The following CCDC57 variants were observed in gnomAD, a reference collection of about 807,000 sequenced individuals.
CCDC57 encodes coiled-coil domain-containing protein 57.
Under a neutral mutation model 118.9 loss-of-function variants are expected in CCDC57, and 118 were observed. The observed-to-expected ratio is 0.99, with a 90% confidence interval of 0.86 to 1.16. CCDC57 has a LOEUF of 1.16. Among genes scored for constraint, CCDC57 ranks in the 50% most tolerant of loss-of-function variants. CCDC57 has a pLI of 0.00. For missense variants in CCDC57, 1,300 were observed against 1,320.7 expected, an observed-to-expected ratio of 0.98 and a Z score of 0.24; for synonymous variants, 527 against 532.9, an observed-to-expected ratio of 0.99 and a Z score of 0.15.
chr17:82,128,141 C>T (rs1018902039), intron 18 of CCDC57, among the ~76,000 whole-genome samples: 7 of 152,118 alleles, frequency 4.6e-5, no homozygotes, highest in African/African-American at 9.7e-5. Context: ...TCTCAGTGCT[C>T]GTCTCAACAC....
chr17:82,198,137 C>T (rs915543683), intron 4 of CCDC57, among the ~76,000 whole-genome samples, 177 bp downstream of exon 3: 3 of 152,222 alleles, frequency 2.0e-5, no homozygotes, highest in Admixed American at 6.5e-5. Context: ...GACATCCCAT[C>T]CTGTTTCCCT....
At chr17:82,164,226 C>T (rs1337224670) in intron 13 of CCDC57, among the ~76,000 whole-genome samples, 2 of 151,508 alleles carry the variant, frequency 1.3e-5, no homozygotes, top group Non-Finnish European at 2.9e-5. Context: ...AAAAAAAATA[C>T]AAAAATTAGC....
exon 6 of CCDC57, chr17:82,194,018 C>T (rs896736467): frequency 1.2e-6 from 2 of 1,612,694 alleles, no homozygotes; most frequent in African/African-American, 2.7e-5. Flanking sequence ...CTGGAGCTCC[C>T]CGGCTCGGCT....
At chr17:82,112,574 G>A (rs1454017719) in intron 19 of CCDC57, 2 of 152,354 alleles carry the variant, frequency 1.3e-5, no homozygotes, top group South Asian at 2.1e-4. Context: ...GATTTCTGGA[G>A]CTCTTTTCTG....
chr17:82,210,277 A>G (rs2050075290), intron 1 of CCDC57, among the ~76,000 whole-genome samples: 1 of 152,084 alleles, frequency 6.6e-6, no homozygotes, highest in Non-Finnish European at 1.5e-5. Flanking sequence ...TAATAAATGT[A>G]GGAGTAATGG....
chr17:82,184,031 GCA>G (rs71166198), intron 8 of CCDC57, 99 bp from the exon 8 acceptor site: 5,623 of 131,190 alleles, frequency 0.043, 107 homozygotes, highest in African/African-American at 0.055. Context: ...GCGCGCGCGC[GCA>G]CACACACACA....
chr17:82,150,049 C>A (rs71375075), intron 16 of CCDC57, among the ~76,000 whole-genome samples: 34 of 67,582 alleles, frequency 5.0e-4, no homozygotes, highest in South Asian at 1.1e-3. Flanking sequence ...AATGTGACCC[C>A]CACCCAGAAC....
In CCDC57 at chr17:82,147,733, G is replaced by A. The variant is rs571115893; in HGVS notation, c.2455+3827C>T. On this transcript the variant is annotated intron_variant, in intron 16 of 19. Coordinates refer to ENST00000665763, the Ensembl canonical transcript of CCDC57. ...GATAGATAGGTGGGTGGATGGATGG[G>A]TGGGTGGATGGTAGATGGATGGATG... Among the ~76,000 whole-genome samples the A allele has an allele frequency of 3.1e-5, 4 of 127,494 alleles. No individual in the cohort carries two copies. The Admixed American group carries it at 3.3e-4, about 10-fold the overall frequency. The allele number at this position is 127,494 out of a possible 152,430, so 83.6% of individuals were successfully genotyped here. A position where few individuals can be genotyped will look rare whatever the true frequency, so the allele number is the denominator to read the frequency against.
At position 82,126,948 on chromosome 17, in the gene CCDC57, C is replaced by T. The variant is rs2037523993; in HGVS notation, c.2899+744G>A. On this transcript the variant is annotated intron_variant, in intron 19 of 19. Coordinates refer to ENST00000665763, the Ensembl canonical transcript of CCDC57. ...ACACAGGAAGGACGCACGCTCCCGC[C>T]CCAACCACATCACACGTCCCGCAAC... 4.1e-6 allele frequency: 4 copies of T among 985,266 alleles called. No individual in the cohort carries two copies. The South Asian group carries it at 1.4e-4, about 35-fold the overall frequency. 61.0% of individuals were successfully genotyped at this position (985,266 alleles called of 1,614,324 possible).
chr17:82,107,243 C>T (rs550940506), intron 19 of CCDC57, among the ~76,000 whole-genome samples: 47 of 152,364 alleles, frequency 3.1e-4, no homozygotes, highest in Middle Eastern at 6.8e-3. Context: ...GGGCAATGAC[C>T]CTCTGGATCC....
At chr17:82,102,897 A>C (rs58340422) in intron 19 of CCDC57, among the ~76,000 whole-genome samples, 4 of 151,820 alleles carry the variant, frequency 2.6e-5, no homozygotes, top group East Asian at 1.9e-4. Context: ...AAAAAAAAAA[A>C]AACAAAAAAA....
chr17:82,120,084 C>A (rs2036466196), intron 19 of CCDC57, among the ~76,000 whole-genome samples: 1 of 152,182 alleles, frequency 6.6e-6, no homozygotes, highest in African/African-American at 2.4e-5. Context: ...CGTGACTAAA[C>A]ACCATATCCT....
intron 16 of CCDC57, among the ~76,000 whole-genome samples, chr17:82,148,494 T>G (rs1598912041): frequency 1.2e-5 from 1 of 80,290 alleles, no homozygotes; most frequent in African/African-American, 4.9e-5. Flanking sequence ...GATGGATGGG[T>G]GGGTGGATAC....
intron 16 of CCDC57, among the ~76,000 whole-genome samples, chr17:82,139,230 C>CA (rs1319421652): frequency 1.3e-5 from 2 of 152,222 alleles, no homozygotes; most frequent in African/African-American, 4.8e-5. Context: ...CAGATGTCTA[C>CA]AGGACAAGCA....
chr17:82,121,417 G>C (rs1056465267), intron 19 of CCDC57, among the ~76,000 whole-genome samples: 7 of 152,170 alleles, frequency 4.6e-5, no homozygotes, highest in African/African-American at 1.7e-4. Flanking sequence ...TCACTCACAG[G>C]GCTCAGGGTC....
intron 2 of CCDC57, among the ~76,000 whole-genome samples, chr17:82,204,448 T>C (rs1189351428): frequency 1.3e-5 from 2 of 152,214 alleles, no homozygotes; most frequent in Non-Finnish European, 2.9e-5. Flanking sequence ...GCCTCTGCTG[T>C]GCACTCCCAC....
chr17:82,150,407 G>C (rs569640255), intron 16 of CCDC57, among the ~76,000 whole-genome samples: 2 of 128,056 alleles, frequency 1.6e-5, no homozygotes, highest in Non-Finnish European at 3.3e-5. Flanking sequence ...AGAACCAGGC[G>C]CACACCCAGA....
chr17:82,146,847 A>G (rs1288080671), intron 16 of CCDC57, among the ~76,000 whole-genome samples: 1 of 152,292 alleles, frequency 6.6e-6, no homozygotes, highest in East Asian at 1.9e-4. Flanking sequence ...GCACATGCAC[A>G]GTCTTGCACA....
rs1005718844 is a variant in CCDC57, at chr17:82,212,617, C to T, written c.-211+168G>A. 1.3e-5 allele frequency among the ~76,000 whole-genome samples: 2 copies of T among 151,830 alleles called. No individual in the cohort carries two copies. Among genetic ancestry groups the T allele is most frequent in the Admixed American group, 6.6e-5 (1 of 15,266 alleles). On this transcript the variant is annotated intron_variant, in intron 1 of 19. Transcript: ENST00000665763. This position sits in a 1 kb window ranked among gnomAD's most constrained non-coding sequence, Gnocchi z 4.1. The stretch of plus-strand genomic sequence containing the variant: ...CCGCCGCAGCCTCCGCGAGGGGATC[C>T]CCGGTCCGGGCCTGGCCGAGCTCTG...
Sources: gnomAD v4.1 joint callset for allele counts (sites outside exome capture counted in the v4.1 genomes callset) on GRCh38, gnomAD v4.1.1 for gene constraint, Gnocchi (gnomAD v3.1) non-coding constraint, MANE v1.5 for transcripts, NCBI Gene and HGNC (gene_info 2026-07-23, HGNC 2026-07-21) for gene names.